MALRD1: variants seen among roughly 807,000 people sequenced by gnomAD.
MALRD1 encodes the protein MAM and LDL-receptor class A domain-containing protein 1.
In MALRD1, 247 loss-of-function variants were observed where a neutral mutation model predicts 242.1. The observed-to-expected ratio is 1.02, with a 90% CI of 0.92 to 1.13. MALRD1 has a LOEUF of 1.13. MALRD1 is among the 50% of genes most tolerant of loss of function. MALRD1 has a pLI of 0.00. For missense variants in MALRD1, 2,989 were observed against 2,533.1 expected (o/e 1.18, Z -3.86); for synonymous variants, 995 against 866.6 (o/e 1.15, Z -2.60).
At chr10:19,306,813 C>A (rs1448753303) in intron 21 of MALRD1, among the ~76,000 whole-genome samples, 1 of 150,320 alleles carries the variant, frequency 6.7e-6, no homozygotes, top group East Asian at 2.0e-4. Flanking sequence ...AAGTGCCAAG[C>A]AAAAGGGGGA....
chr10:19,162,457 A>T (rs547713806), intron 12 of MALRD1, among the ~76,000 whole-genome samples: 174 of 152,328 alleles, frequency 1.1e-3, no homozygotes, highest in Non-Finnish European at 1.9e-3. Flanking sequence ...GACACGTTTC[A>T]TGATTTGGAG....
intron 36 of MALRD1, among the ~76,000 whole-genome samples, chr10:19,636,588 G>C (rs895160974): frequency 3.3e-5 from 5 of 151,954 alleles, no homozygotes; most frequent in African/African-American, 1.2e-4. Context: ...TACATTTCTA[G>C]GGTTGAAATG....
At chr10:19,528,469 T>A (rs1834196496) in intron 31 of MALRD1, among the ~76,000 whole-genome samples, 1 of 152,068 alleles carries the variant, frequency 6.6e-6, no homozygotes, top group Non-Finnish European at 1.5e-5. Context: ...GGCACACACC[T>A]ATAGTCCCAT....
intron 11 of MALRD1, among the ~76,000 whole-genome samples, 178 bp downstream of exon 11, chr10:19,146,522 G>A (rs1054924596): frequency 5.3e-5 from 8 of 152,284 alleles, no homozygotes; most frequent in African/African-American, 1.9e-4. Context: ...CCTGAAAGGA[G>A]CATTGTTTTA....
intron 1 of MALRD1, among the ~76,000 whole-genome samples, chr10:19,056,151 G>A (rs1021366154): frequency 6.6e-6 from 1 of 151,832 alleles, no homozygotes. Context: ...TGTTCTTTTT[G>A]CTCCAGATTG....
intron 16 of MALRD1, 77 bp downstream of exon 16, chr10:19,204,490 A>G (rs1836702543): frequency 1.1e-6 from 1 of 872,710 alleles, no homozygotes; most frequent in South Asian, 1.8e-5. Context: ...ATACCTCTGC[A>G]CTTATTCATT....
chr10:19,582,177 G>A (rs1277651595), intron 33 of MALRD1, among the ~76,000 whole-genome samples: 2 of 151,934 alleles, frequency 1.3e-5, no homozygotes, highest in African/African-American at 2.4e-5. Flanking sequence ...TAGGTTGCCT[G>A]TTCACTCTGA....
At chr10:19,319,214 C>A (rs944384833) in intron 21 of MALRD1, among the ~76,000 whole-genome samples, 2 of 151,862 alleles carry the variant, frequency 1.3e-5, no homozygotes, top group Non-Finnish European at 2.9e-5. Flanking sequence ...CTGTTGAAAA[C>A]AAACTTTCTT....
At chr10:19,567,371 G>A (rs1442526785) in intron 32 of MALRD1, 131 bp from the exon 33 acceptor site, 8 of 802,548 alleles carry the variant, frequency 1.0e-5, no homozygotes, top group Non-Finnish European at 1.6e-5. Flanking sequence ...AATTTCTACA[G>A]ATAGAAAATA....
At chr10:19,165,854 T>C (rs902675875) in intron 13 of MALRD1, 44 bp downstream of exon 13, 6 of 1,214,332 alleles carry the variant, frequency 4.9e-6, no homozygotes, top group African/African-American at 1.6e-5. Context: ...AAGACACTTA[T>C]TTAATGCTAA....
intron 24 of MALRD1, among the ~76,000 whole-genome samples, chr10:19,333,346 G>A (rs1444314465): frequency 1.3e-5 from 2 of 151,930 alleles, no homozygotes; most frequent in Admixed American, 1.3e-4. Flanking sequence ...CCATGTTTAT[G>A]TCCACATTTA....
Position 19,324,117 on chromosome 10 carries a change from G to T in MALRD1, c.3576+12G>T. The T allele has an allele frequency of 6.5e-7, 1 of 1,544,490 alleles. No individual in the cohort carries two copies. ...TTGGTTCTCTCCAGGTACTGCTTAG[G>T]CAATCACATTTTCTGAATTTTCTCT... is the stretch of plus-strand genomic sequence containing the variant. On this transcript the variant is annotated intron_variant, in intron 22 of 39. Coordinates refer to ENST00000454679, the MANE Select transcript of MALRD1 (RefSeq NM_001142308.3).
chr10:19,688,682 A>C (rs1842699205), intron 36 of MALRD1, among the ~76,000 whole-genome samples: 1 of 152,200 alleles, frequency 6.6e-6, no homozygotes, highest in African/African-American at 2.4e-5. Context: ...GGGGGATGGC[A>C]GGAGAGAAAT....
rs146706241 is a variant in MALRD1 at position 19,349,921 on chromosome 10, A to G, written c.4149+1903A>G. Among the ~76,000 whole-genome samples, 11 of 152,286 alleles carry G rather than the reference A, an allele frequency of 7.2e-5. No individual in the cohort carries two copies. In the East Asian group the frequency reaches 1.9e-3, roughly 27 times the overall value. On this transcript the variant is annotated intron_variant, in intron 25 of 39. Transcript: ENST00000454679. ...CCTGGTCCCAGAACTAGAGTCCCCA[A>G]TGTTTTAAACATCTGTGTGAGAATA...
At chr10:19,505,862 AGTCAGTGTC>A (rs1833103836) in intron 31 of MALRD1, among the ~76,000 whole-genome samples, 1 of 152,196 alleles carries the variant, frequency 6.6e-6, no homozygotes, top group Admixed American at 6.5e-5. Context: ...CCTGAAAATG[AGTCAGTGTC>A]ATAGTTGGGG....
chr10:19,214,274 C>T (rs1311327268), intron 18 of MALRD1, among the ~76,000 whole-genome samples: 1 of 152,138 alleles, frequency 6.6e-6, no homozygotes, highest in Non-Finnish European at 1.5e-5. Context: ...GAGTACTGGG[C>T]TGGAAAACTT....
intron 31 of MALRD1, among the ~76,000 whole-genome samples, chr10:19,519,735 G>T (rs1232856004): frequency 6.6e-6 from 1 of 152,134 alleles, no homozygotes; most frequent in Non-Finnish European, 1.5e-5. Context: ...CTGCAATGTA[G>T]CCAGGGCAAC....
At chr10:19,388,741 T>C (rs1846199004) in intron 27 of MALRD1, among the ~76,000 whole-genome samples, 1 of 152,098 alleles carries the variant, frequency 6.6e-6, no homozygotes, top group Non-Finnish European at 1.5e-5. Flanking sequence ...ATAAAGCTTG[T>C]TACTTTATTC....
intron 18 of MALRD1, among the ~76,000 whole-genome samples, chr10:19,225,171 A>G (rs1161129525): frequency 1.3e-5 from 2 of 152,100 alleles, no homozygotes; most frequent in Non-Finnish European, 2.9e-5. Flanking sequence ...CCTTCTGTCA[A>G]TGGGGAAAAA....
Sources: gnomAD v4.1 joint callset for allele counts (sites outside exome capture counted in the v4.1 genomes callset) on GRCh38, gnomAD v4.1.1 for gene constraint, MANE v1.5 for transcripts, NCBI Gene and HGNC (gene_info 2026-07-23, HGNC 2026-07-21) for gene names.